The following RANBP17 variants were observed in gnomAD, a reference collection of about 807,000 sequenced individuals.
The protein encoded by RANBP17 is RAN binding protein 17.
A neutral mutation model predicts 141.2 loss-of-function variants in RANBP17; 158 were observed. The ratio of observed to expected loss-of-function variants is 1.12; its 90% CI spans 0.98 to 1.28. The LOEUF (loss-of-function observed/expected upper bound fraction) is 1.28. RANBP17 is among the 50% of genes most tolerant of loss of function. The pLI, the probability that RANBP17 is intolerant of heterozygous loss-of-function variation, is 0.00. For missense variants in RANBP17, 1,438 were observed against 1,290.7 expected (o/e 1.11, Z -1.75); for synonymous variants, 430 against 450.0 (o/e 0.96, Z 0.56).
In RANBP17 at chr5:171,206,548, A is replaced by G. The variant is rs368471764; in HGVS notation, c.2231+936A>G. The stretch of plus-strand genomic sequence containing the variant: ...CATCAGAGCATGTGAAAAAAATTAT[A>G]TAATCTGAAAGCTAATTTACTTTTT... On this transcript the variant is annotated intron_variant, in intron 20 of 27. Transcript: ENST00000523189. 1.7e-4 allele frequency: 28 copies of G among 161,472 alleles called. No individual in the cohort carries two copies. The South Asian group carries it at 5.5e-3, about 32-fold the overall frequency. 10.0% of individuals were successfully genotyped at this position (161,472 alleles called of 1,614,324 possible).
intron 12 of RANBP17, among the ~76,000 whole-genome samples, chr5:170,936,153 A>G (rs1377638854): frequency 1.3e-5 from 2 of 152,130 alleles, no homozygotes; most frequent in African/African-American, 2.4e-5. Flanking sequence ...AAAGCGCAGT[A>G]TTAGGGTGAG....
chr5:171,295,429 G>A (rs1415700598), intron 26 of RANBP17, among the ~76,000 whole-genome samples: 1 of 152,142 alleles, frequency 6.6e-6, no homozygotes. Flanking sequence ...GTCATTTAAG[G>A]AGTGACTCAC....
intron 14 of RANBP17, among the ~76,000 whole-genome samples, chr5:171,044,662 T>A (rs1448570725): frequency 6.6e-6 from 1 of 152,100 alleles, no homozygotes; most frequent in East Asian, 1.9e-4. Flanking sequence ...TAATATGATC[T>A]GCTCGTTAAA....
chr5:171,267,463 A>G (rs1251850326), intron 25 of RANBP17, among the ~76,000 whole-genome samples: 2 of 152,238 alleles, frequency 1.3e-5, no homozygotes, highest in East Asian at 3.9e-4. Context: ...AAACACATCA[A>G]TAGTGTGTTG....
At chr5:171,252,014 T>C (rs986647026) in intron 24 of RANBP17, 3 of 1,607,842 alleles carry the variant, frequency 1.9e-6, no homozygotes, top group African/African-American at 2.7e-5. Flanking sequence ...GAAACAGTTC[T>C]TGCATAGAAG....
At chr5:171,039,429 A>G (rs976248123) in intron 14 of RANBP17, among the ~76,000 whole-genome samples, 1 of 150,158 alleles carries the variant, frequency 6.7e-6, no homozygotes, top group African/African-American at 2.5e-5. Context: ...AATGAGATGT[A>G]TTTGTTTTTG....
At chr5:170,926,450 G>A (rs1340925743) in intron 12 of RANBP17, among the ~76,000 whole-genome samples, 4 of 113,148 alleles carry the variant, frequency 3.5e-5, no homozygotes, top group African/African-American at 1.1e-4. Flanking sequence ...ATCATCATCA[G>A]TGAAATGTAT....
intron 25 of RANBP17, among the ~76,000 whole-genome samples, chr5:171,285,875 A>G (rs1768144127): frequency 6.6e-6 from 1 of 152,240 alleles, no homozygotes; most frequent in Non-Finnish European, 1.5e-5. Context: ...TTCAGAATAG[A>G]CACATTACAT....
chr5:171,152,363 G>A (rs1758549065), intron 14 of RANBP17, among the ~76,000 whole-genome samples: 1 of 150,848 alleles, frequency 6.6e-6, no homozygotes, highest in South Asian at 2.1e-4. Context: ...AGGTTGCAGT[G>A]AGCTGAGATC....
At chr5:171,237,504 C>T (rs1034353934) in intron 22 of RANBP17, among the ~76,000 whole-genome samples, 1 of 152,216 alleles carries the variant, frequency 6.6e-6, no homozygotes, top group Non-Finnish European at 1.5e-5. Flanking sequence ...TGAGCCCCAA[C>T]ATAGCCTCAG....
intron 14 of RANBP17, among the ~76,000 whole-genome samples, chr5:171,060,329 G>C (rs1043111291): frequency 5.3e-5 from 8 of 149,904 alleles, no homozygotes; most frequent in Non-Finnish European, 1.2e-4. Flanking sequence ...ATTATTTTGA[G>C]ATACGTCCCA....
At chr5:171,153,101 G>A (rs1758605946) in intron 14 of RANBP17, among the ~76,000 whole-genome samples, 1 of 152,182 alleles carries the variant, frequency 6.6e-6, no homozygotes, top group Non-Finnish European at 1.5e-5. Flanking sequence ...CATACAACTA[G>A]GACAGTGCTA....
At chr5:171,089,425 C>T (rs1183991807) in intron 14 of RANBP17, among the ~76,000 whole-genome samples, 3 of 151,940 alleles carry the variant, frequency 2.0e-5, no homozygotes, top group Admixed American at 6.6e-5. Flanking sequence ...TGTCTGTGCC[C>T]TGCCCCCAGA....
intron 3 of RANBP17, among the ~76,000 whole-genome samples, chr5:170,885,842 A>G (rs1016414993): frequency 6.7e-6 from 1 of 150,040 alleles, no homozygotes; most frequent in South Asian, 2.1e-4. Context: ...TCCAAGATCC[A>G]TATCTTGAAA....
At chr5:171,291,865 G>A (rs141679547) in intron 25 of RANBP17, among the ~76,000 whole-genome samples, 268 of 152,254 alleles carry the variant, frequency 1.8e-3, no homozygotes, top group African/African-American at 5.7e-3. Context: ...TTTTAGAAAA[G>A]TGTTTTATTC....
chr5:171,228,003 G>A lies in RANBP17; in HGVS notation c.2422+6163G>A, dbSNP rs542059791. Among the ~76,000 whole-genome samples the A allele has an allele frequency of 4.5e-4, 69 of 152,292 alleles. 1 individual carries two copies. The highest frequency in any genetic ancestry group is 1.5e-3 in the African/African-American group (63 of 41,576). ...CACCTCGTCACCCAGGAGCTCTGAT[G>A]GAGATGTACAAGGAGATTAATGTTG... is the stretch of plus-strand genomic sequence containing the variant. On this transcript the variant is annotated intron_variant, in intron 22 of 27. Transcript: ENST00000523189.
At chr5:171,137,572 ATGTGTGTGTGTGTG>A (rs140713117) in intron 14 of RANBP17, among the ~76,000 whole-genome samples, 4 of 141,032 alleles carry the variant, frequency 2.8e-5, no homozygotes, top group Admixed American at 7.1e-5. Flanking sequence ...TTGACTTGAG[ATGTGTGTGTGTGTG>A]TGTGTGTGTG....
In RANBP17 at chr5:171,252,580, C is replaced by G. The variant is rs1765643120; in HGVS notation, c.2776+9760C>G. 45 of 1,353,864 alleles carry G rather than the reference C, an allele frequency of 3.3e-5. No homozygotes were observed. In the South Asian group the frequency reaches 5.0e-4, roughly 15 times the overall value. 83.9% of individuals were successfully genotyped at this position (1,353,864 alleles called of 1,614,324 possible). On this transcript the variant is annotated intron_variant, in intron 24 of 27. Transcript: ENST00000523189. ...TTAAAAACTGCCCATGATTCTAGCTCCACACCTGAAGAGATTTAAATATAA... is the reference window on the plus strand; with the variant it reads ...TTAAAAACTGCCCATGATTCTAGCTGCACACCTGAAGAGATTTAAATATAA...
At chr5:171,267,026 C>CTTTTTTTTTTTTTTTTT (rs35762251) in intron 25 of RANBP17, among the ~76,000 whole-genome samples, 11 of 114,620 alleles carry the variant, frequency 9.6e-5, no homozygotes, top group African/African-American at 2.2e-4. Context: ...ATTTTCTTTT[C>CTTTTTTTTTTTTTTTTT]TTTTTTTTTT....
Sources: gnomAD v4.1 joint callset for allele counts (sites outside exome capture counted in the v4.1 genomes callset) on GRCh38, gnomAD v4.1.1 for gene constraint, MANE v1.5 for transcripts, NCBI Gene and HGNC (gene_info 2026-07-23, HGNC 2026-07-21) for gene names.